The following CADM1 variants were observed in gnomAD, a reference collection of about 807,000 sequenced individuals.
CADM1 encodes the protein cell adhesion molecule 1.
A neutral mutation model predicts 53.1 loss-of-function variants in CADM1; 15 were observed. The ratio of observed to expected loss-of-function variants is 0.28; its 90% CI spans 0.19 to 0.44. CADM1 has a LOEUF of 0.44. Among genes scored for constraint, CADM1 ranks in the 20% least tolerant of loss-of-function variants. The pLI is 1.00. For synonymous variants in CADM1, 281 were observed against 243.0 expected, an observed-to-expected ratio of 1.16 and a Z score of -1.45; for missense variants, 434 against 611.3, an observed-to-expected ratio of 0.71 and a Z score of 3.06.
rs1334132180 is a variant in CADM1 at position 115,173,854 on chromosome 11, T to C, written c.*2620A>G. The C allele has an allele frequency of 3.1e-6, 3 of 975,048 alleles. No individual in the cohort carries two copies. In the African/African-American group the frequency reaches 5.3e-5, roughly 17 times the overall value. 60.4% of individuals were successfully genotyped at this position (975,048 alleles called of 1,614,324 possible). ...CGGTGTGACTAAAGAACAAGCTTAT[T>C]TGGCATCAATTATACATCCTTCATT... On this transcript the variant is annotated 3_prime_UTR_variant, in exon 12 of 12. Transcript: ENST00000331581.
intron 1 of CADM1, among the ~76,000 whole-genome samples, chr11:115,303,078 C>T (rs1944274351): frequency 6.6e-6 from 1 of 152,060 alleles, no homozygotes. Context: ...CCTCATCCCC[C>T]AAAAGGGGGG....
chr11:115,237,562 T>G (rs1942054768), intron 3 of CADM1, among the ~76,000 whole-genome samples: 1 of 152,198 alleles, frequency 6.6e-6, no homozygotes, highest in African/African-American at 2.4e-5. Context: ...TCTTTCCTCT[T>G]TAATCTTCCT....
At chr11:115,254,200 C>A (rs545517902) in intron 1 of CADM1, among the ~76,000 whole-genome samples, 7 of 151,942 alleles carry the variant, frequency 4.6e-5, no homozygotes, top group Non-Finnish European at 1.0e-4. Flanking sequence ...GCTAAGAGGG[C>A]GAATGTTAAT....
chr11:115,230,835 C>A (rs985814039), intron 4 of CADM1, among the ~76,000 whole-genome samples: 1 of 152,226 alleles, frequency 6.6e-6, no homozygotes, highest in African/African-American at 2.4e-5. Flanking sequence ...CCACTTAGTG[C>A]AACCACTCTT....
chr11:115,301,204 C>G (rs1194029456), intron 1 of CADM1, among the ~76,000 whole-genome samples: 2 of 152,014 alleles, frequency 1.3e-5, no homozygotes, highest in African/African-American at 4.8e-5. Flanking sequence ...CACAGAAGAG[C>G]CCACAGCTAC....
intron 1 of CADM1, among the ~76,000 whole-genome samples, chr11:115,405,935 C>T (rs745679446): frequency 6.6e-6 from 1 of 152,066 alleles, no homozygotes; most frequent in Non-Finnish European, 1.5e-5. Context: ...CGTCCAAACA[C>T]GGCATAGTGT....
chr11:115,210,866 G>A (rs1591607726), intron 7 of CADM1, among the ~76,000 whole-genome samples: 1 of 152,172 alleles, frequency 6.6e-6, no homozygotes, highest in Non-Finnish European at 1.5e-5. Context: ...AACAATCTGA[G>A]CTTTTAATTT....
chr11:115,364,293 C>T (rs1946102790), intron 1 of CADM1, among the ~76,000 whole-genome samples: 3 of 152,176 alleles, frequency 2.0e-5, no homozygotes, highest in Non-Finnish European at 1.5e-5. Context: ...AAATGTGTTC[C>T]TAACATTTAC....
chr11:115,376,015 T>C (rs1220159355), intron 1 of CADM1, among the ~76,000 whole-genome samples: 1 of 152,180 alleles, frequency 6.6e-6, no homozygotes, highest in Admixed American at 6.5e-5. Context: ...AAGTTTGCTA[T>C]ACTTTATCTT....
At chr11:115,318,876 C>T (rs1944746127) in intron 1 of CADM1, among the ~76,000 whole-genome samples, 1 of 152,100 alleles carries the variant, frequency 6.6e-6, no homozygotes, top group African/African-American at 2.4e-5. Flanking sequence ...TTTTAAGTAT[C>T]TATAGGACAT....
At position 115,269,289 on chromosome 11, in the gene CADM1, A is replaced by G. The variant is rs572652369; in HGVS notation, c.125-28869T>C. The stretch of plus-strand genomic sequence containing the variant: ...CTCTAAATTCCCCCAAATCAACATC[A>G]GAGACAAGCTACCGACCTGAGAGAG... On this transcript the variant is annotated intron_variant, in intron 1 of 11. Transcript: ENST00000331581. Among the ~76,000 whole-genome samples, 3 of 152,266 alleles carry G rather than the reference A, an allele frequency of 2.0e-5. No homozygotes were observed. The East Asian group carries it at 5.8e-4, about 29-fold the overall frequency.
At chr11:115,362,986 T>C (rs947817289) in intron 1 of CADM1, among the ~76,000 whole-genome samples, 2 of 152,216 alleles carry the variant, frequency 1.3e-5, no homozygotes, top group Non-Finnish European at 2.9e-5. Context: ...GCTGTTGTTA[T>C]CTGCTAAGGA....
intron 1 of CADM1, among the ~76,000 whole-genome samples, chr11:115,420,928 C>T (rs1345801842): frequency 6.6e-6 from 1 of 152,200 alleles, no homozygotes; most frequent in Admixed American, 6.5e-5. Flanking sequence ...TTGCCATACA[C>T]TTACCAGTTA....
At chr11:115,289,787 G>A (rs991149587) in intron 1 of CADM1, among the ~76,000 whole-genome samples, 6 of 151,660 alleles carry the variant, frequency 4.0e-5, no homozygotes, top group Non-Finnish European at 8.8e-5. Context: ...AGTAGAGAGG[G>A]GTTTTCACTG....
At chr11:115,226,916 G>C (rs1209326460) in intron 5 of CADM1, among the ~76,000 whole-genome samples, 1 of 152,240 alleles carries the variant, frequency 6.6e-6, no homozygotes, top group Non-Finnish European at 1.5e-5. Flanking sequence ...TCTAGGAGTG[G>C]AGGGTAGTGA....
chr11:115,300,608 A>T (rs1291031387), intron 1 of CADM1, among the ~76,000 whole-genome samples: 3 of 152,144 alleles, frequency 2.0e-5, no homozygotes, highest in Non-Finnish European at 4.4e-5. Flanking sequence ...TTGCTGGAGT[A>T]ATATTTCTCA....
chr11:115,276,620 A>T (rs1398099381), intron 1 of CADM1, among the ~76,000 whole-genome samples: 4 of 152,202 alleles, frequency 2.6e-5, no homozygotes, highest in Non-Finnish European at 4.4e-5. Flanking sequence ...TTGTGTTCTC[A>T]TTACATCATA....
intron 11 of CADM1, 143 bp downstream of exon 11, chr11:115,178,499 TTC>T: frequency 9.9e-6 from 8 of 809,414 alleles, no homozygotes; most frequent in South Asian, 3.0e-5. Context: ...TTTTTTTTTT[TTC>T]TCTTCTCTCT....
At chr11:115,291,593 T>G (rs2135110438) in intron 1 of CADM1, among the ~76,000 whole-genome samples, 1 of 152,294 alleles carries the variant, frequency 6.6e-6, no homozygotes, top group Non-Finnish European at 1.5e-5. Flanking sequence ...TCTCATGTGC[T>G]AGCCTTCCTT....
Sources: allele counts gnomAD v4.1 joint callset (sites outside exome capture counted in the v4.1 genomes callset), GRCh38; gene constraint gnomAD v4.1.1; transcripts MANE v1.5; gene names NCBI Gene and HGNC (gene_info 2026-07-23, HGNC 2026-07-21).